GALNT13: variants seen among roughly 807,000 people sequenced by gnomAD.
GALNT13 encodes the protein UDP-GalNAc:polypeptide N-acetylgalactosaminyltransferase 13.
In GALNT13, 28 loss-of-function variants were observed where a neutral mutation model predicts 64.2. That is an observed-to-expected ratio of 0.44 (90% CI 0.32 to 0.60). The LOEUF (loss-of-function observed/expected upper bound fraction) is 0.60, where lower values mean the gene tolerates loss of function less well. GALNT13 is among the 20% of genes least tolerant of loss of function. The pLI, the probability that GALNT13 is intolerant of heterozygous loss-of-function variation, is 0.05. For missense variants in GALNT13, 577 were observed against 669.8 expected (o/e 0.86, Z 1.53); for synonymous variants, 214 against 224.6 (o/e 0.95, Z 0.42).
At chr2:153,463,136 C>T in the GALNT13 span, among the ~76,000 whole-genome samples, 1 of 152,018 alleles carries the variant, frequency 6.6e-6, no homozygotes, top group Admixed American at 6.6e-5. Context: ...GATGAGTGAA[C>T]CAGAGAGTAC....
At chr2:153,685,152 T>C in the GALNT13 span, among the ~76,000 whole-genome samples, 5 of 152,028 alleles carry the variant, frequency 3.3e-5, no homozygotes, top group Non-Finnish European at 4.4e-5. Context: ...GAATGATTTA[T>C]ATTCCTTTGG....
the GALNT13 span, among the ~76,000 whole-genome samples, chr2:153,702,307 A>G: frequency 6.6e-6 from 1 of 152,012 alleles, no homozygotes; most frequent in African/African-American, 2.4e-5. Context: ...AGAACACATG[A>G]ACCCAGGGAG....
At chr2:153,961,900 A>G (rs781579003) in intron 3 of GALNT13, among the ~76,000 whole-genome samples, 1 of 152,312 alleles carries the variant, frequency 6.6e-6, no homozygotes, top group Non-Finnish European at 1.5e-5. Context: ...GTCCACTTCT[A>G]TCTTCATCAC....
At position 154,282,445 on chromosome 2, in the gene GALNT13, C is replaced by T. The variant is rs574939222; in HGVS notation, c.976-18964C>T. ...AAATTTCGGAGGGTTATATCATTCC[C>T]ATCTAAAAATATGATCTCTACAAGT... On this transcript the variant is annotated intron_variant, in intron 8 of 12. Transcript: ENST00000392825. 1.7e-3 allele frequency among the ~76,000 whole-genome samples: 256 copies of T among 152,168 alleles called. 1 individual carries two copies. The highest frequency in any genetic ancestry group is 2.9e-3 in the Non-Finnish European group (196 of 68,010).
intron 3 of GALNT13, among the ~76,000 whole-genome samples, chr2:153,947,893 G>T (rs972805637): frequency 1.6e-4 from 25 of 151,992 alleles, no homozygotes; most frequent in African/African-American, 6.0e-4. Context: ...TCAATTTTCT[G>T]CATATGCCTA....
At chr2:153,398,343 T>G in the GALNT13 span, among the ~76,000 whole-genome samples, 1 of 152,186 alleles carries the variant, frequency 6.6e-6, no homozygotes, top group African/African-American at 2.4e-5. Context: ...TTGGGTTGGT[T>G]CCAAGTCTTT....
chr2:154,075,905 T>C (rs1322775621), intron 3 of GALNT13, among the ~76,000 whole-genome samples: 1 of 151,698 alleles, frequency 6.6e-6, no homozygotes. Flanking sequence ...TTTATATATA[T>C]ACACATTACA....
intron 3 of GALNT13, among the ~76,000 whole-genome samples, chr2:154,037,738 G>A (rs1228544845): frequency 6.6e-6 from 1 of 152,082 alleles, no homozygotes; most frequent in Non-Finnish European, 1.5e-5. Context: ...AAGAAGTCAA[G>A]AAAGTAATCT....
At chr2:153,169,918 G>T in the GALNT13 span, among the ~76,000 whole-genome samples, 1 of 152,112 alleles carries the variant, frequency 6.6e-6, no homozygotes, top group African/African-American at 2.4e-5. Flanking sequence ...TTACTTTTTT[G>T]TACCTAGAAA....
At chr2:153,928,443 A>C (rs1444204638) in intron 2 of GALNT13, among the ~76,000 whole-genome samples, 1 of 152,122 alleles carries the variant, frequency 6.6e-6, no homozygotes, top group Non-Finnish European at 1.5e-5. Flanking sequence ...ATAGATGTCT[A>C]CTGGGAACTG....
chr2:153,201,415 T>C, the GALNT13 span, among the ~76,000 whole-genome samples: 1 of 152,144 alleles, frequency 6.6e-6, no homozygotes, highest in African/African-American at 2.4e-5. Flanking sequence ...CCTAATTCCT[T>C]CCCTCCCTGC....
At chr2:154,072,599 C>G (rs540234563) in intron 3 of GALNT13, among the ~76,000 whole-genome samples, 2 of 152,120 alleles carry the variant, frequency 1.3e-5, no homozygotes, top group Non-Finnish European at 2.9e-5. Flanking sequence ...GTCTCCTTTA[C>G]AGTGTGTCAC....
chr2:153,482,086 A>C, the GALNT13 span, among the ~76,000 whole-genome samples: 1 of 152,160 alleles, frequency 6.6e-6, no homozygotes, highest in Non-Finnish European at 1.5e-5. Flanking sequence ...AATGTCGTAA[A>C]AGCTAAATAC....
the GALNT13 span, among the ~76,000 whole-genome samples, chr2:153,528,483 T>G: frequency 2.0e-5 from 3 of 151,880 alleles, no homozygotes; most frequent in African/African-American, 7.2e-5. Flanking sequence ...TCTGAAGACT[T>G]CAACACCCTA....
intron 3 of GALNT13, among the ~76,000 whole-genome samples, chr2:154,060,753 G>A (rs1700137267): frequency 6.6e-6 from 1 of 152,056 alleles, no homozygotes; most frequent in African/African-American, 2.4e-5. Flanking sequence ...AACAGAGCTT[G>A]ACCTAATGGG....
intron 4 of GALNT13, among the ~76,000 whole-genome samples, chr2:154,173,363 A>G (rs1685473182): frequency 6.6e-6 from 1 of 151,442 alleles, no homozygotes; most frequent in African/African-American, 2.4e-5. Flanking sequence ...AATTAATTAA[A>G]TTTAAATTTT....
chr2:154,256,658 A>T (rs1690392734), intron 7 of GALNT13, among the ~76,000 whole-genome samples: 1 of 152,106 alleles, frequency 6.6e-6, no homozygotes, highest in Non-Finnish European at 1.5e-5. Flanking sequence ...AACAAAGATA[A>T]ATTACCTACC....
chr2:153,771,618 G>C, the GALNT13 span, among the ~76,000 whole-genome samples: 1 of 152,116 alleles, frequency 6.6e-6, no homozygotes, highest in Non-Finnish European at 1.5e-5. Flanking sequence ...CTGTGAGACG[G>C]GAAGTTATCA....
At chr2:153,927,967 A>C (rs866055583) in intron 2 of GALNT13, among the ~76,000 whole-genome samples, 2 of 152,098 alleles carry the variant, frequency 1.3e-5, no homozygotes, top group African/African-American at 4.8e-5. Context: ...CAGACAAATA[A>C]AACTTTGTTT....
Sources: gnomAD v4.1 joint callset for allele counts (sites outside exome capture counted in the v4.1 genomes callset) on GRCh38, gnomAD v4.1.1 for gene constraint, MANE v1.5 for transcripts, NCBI Gene and HGNC (gene_info 2026-07-23, HGNC 2026-07-21) for gene names.